Variants in WWC2 observed in about 807,000 individuals in gnomAD.
The protein encoded by WWC2 is WW and C2 domain containing 2.
A neutral mutation model predicts 138.5 loss-of-function variants in WWC2; 101 were observed. The observed-to-expected ratio is 0.73, with a 90% CI of 0.62 to 0.86. The LOEUF is 0.86. Ranked by LOEUF, WWC2 falls within the 40% of genes least tolerant of loss-of-function variation. The probability of loss-of-function intolerance (pLI) is 0.00; values close to 1 mark genes in which losing one functional copy is unlikely to be tolerated. For synonymous variants in WWC2, 558 were observed against 538.4 expected, an observed-to-expected ratio of 1.04 and a Z score of -0.50; for missense variants, 1,420 against 1,419.4, an observed-to-expected ratio of 1.00 and a Z score of -0.01.
rs938172737 is a variant in WWC2, at chr4:183,306,883, A to G, written c.3385-5458A>G. ...AACAGCACCAACTATATATGAGGCAAAAAAAAAAAAAAAACTACAAGGAGA... is the reference window on the plus strand; with the variant it reads ...AACAGCACCAACTATATATGAGGCAGAAAAAAAAAAAAAACTACAAGGAGA... On this transcript the variant is annotated intron_variant, in intron 21 of 22. Transcript: ENST00000403733. 2.6e-4 allele frequency among the ~76,000 whole-genome samples: 38 copies of G among 147,998 alleles called. 1 individual carries two copies. Among genetic ancestry groups the G allele is most frequent in the Non-Finnish European group, 5.1e-4 (34 of 66,318 alleles).
intron 1 of WWC2, among the ~76,000 whole-genome samples, chr4:183,104,137 T>G (rs1479292964): frequency 7.0e-6 from 1 of 142,178 alleles, no homozygotes; most frequent in Non-Finnish European, 1.6e-5. Flanking sequence ...TTTTTCGTAG[T>G]TTTTTTTAGT....
intron 1 of WWC2, among the ~76,000 whole-genome samples, chr4:183,103,049 A>G (rs1743230037): frequency 6.6e-6 from 1 of 152,094 alleles, no homozygotes; most frequent in Admixed American, 6.6e-5. Context: ...AATGTTACCC[A>G]GAGATACAAT....
At chr4:183,100,217 C>T (rs537471881) in intron 1 of WWC2, among the ~76,000 whole-genome samples, 4 of 152,354 alleles carry the variant, frequency 2.6e-5, no homozygotes, top group African/African-American at 9.6e-5. Flanking sequence ...GGGGGTTTCG[C>T]TGTCTGTCGT....
rs1356458823 is a variant in WWC2, at chr4:183,285,898, C to T, written c.3049-69C>T. 6 of 1,410,884 alleles carry T rather than the reference C, an allele frequency of 4.3e-6. No individual in the cohort carries two copies. The African/African-American group carries it at 8.5e-5, about 20-fold the overall frequency. The allele number at this position is 1,410,884 out of a possible 1,614,324, so 87.4% of individuals were successfully genotyped here. On this transcript the variant is annotated intron_variant, in intron 19 of 22. Coordinates refer to ENST00000403733, the MANE Select transcript of WWC2 (RefSeq NM_024949.6). Reference sequence around the variant, plus strand: ...TACCTGCTTTACTTGGTAAATGTCTCAATCCCAAACTTCCACTTGCACTCT... The same window carrying T: ...TACCTGCTTTACTTGGTAAATGTCTTAATCCCAAACTTCCACTTGCACTCT...
intron 21 of WWC2, among the ~76,000 whole-genome samples, chr4:183,296,684 A>C (rs1271822895): frequency 6.6e-6 from 1 of 152,112 alleles, no homozygotes; most frequent in East Asian, 1.9e-4. Context: ...CTGTAATCCC[A>C]GCACTTTGCG....
At chr4:183,245,339 A>C (rs1430622735) in intron 5 of WWC2, 77 bp from the exon 6 acceptor site, 1 of 1,316,112 alleles carries the variant, frequency 7.6e-7, no homozygotes, top group Non-Finnish European at 9.8e-7. Context: ...AGACAATTCC[A>C]AACCACTTCC....
At chr4:183,200,729 C>T (rs540382358) in intron 2 of WWC2, among the ~76,000 whole-genome samples, 2 of 152,304 alleles carry the variant, frequency 1.3e-5, no homozygotes, top group African/African-American at 4.8e-5. Flanking sequence ...GGCCTCTCCA[C>T]AGGACAGCTC....
rs1356082705 is a variant in WWC2 at position 183,260,903 on chromosome 4, CT to C, written c.1287-4del. ...AGATTTTATGGTGTGTGCTTTTTGT[CT>C]TTCAGCCTCTCTGCCAGCACCCTGT... On this transcript the variant is annotated splice_polypyrimidine_tract_variant and splice_region_variant and intron_variant, in intron 10 of 22. Coordinates refer to ENST00000403733, the MANE Select transcript of WWC2 (RefSeq NM_024949.6). The C allele has an allele frequency of 6.2e-6, 10 of 1,611,562 alleles. No homozygotes were observed. In the African/African-American group the frequency reaches 1.3e-4, roughly 22 times the overall value.
intron 1 of WWC2, among the ~76,000 whole-genome samples, chr4:183,162,507 C>G (rs1378774999): frequency 6.6e-6 from 1 of 152,116 alleles, no homozygotes; most frequent in East Asian, 1.9e-4. Context: ...GCAAACATCA[C>G]CATCGTTTTA....
intron 1 of WWC2, among the ~76,000 whole-genome samples, chr4:183,104,333 G>T (rs950426744): frequency 1.3e-5 from 2 of 152,156 alleles, no homozygotes; most frequent in African/African-American, 4.8e-5. Flanking sequence ...ATTAATGAAA[G>T]AATATTAATT....
At position 183,171,464 on chromosome 4, in the gene WWC2, ATACTT is replaced by A. The variant is rs1319621777; in HGVS notation, c.132-22131_132-22127del. On this transcript the variant is annotated intron_variant, in intron 1 of 22. Coordinates refer to ENST00000403733, the MANE Select transcript of WWC2 (RefSeq NM_024949.6). ...TATGTATTTTGGAGTACTGAAAAAT[ATACTT>A]TACATAATCTCTGAGCAAATGTAAC... Among the ~76,000 whole-genome samples, 4 of 152,328 alleles carry A rather than the reference ATACTT, an allele frequency of 2.6e-5. No homozygotes were observed. In the East Asian group the frequency reaches 5.8e-4, roughly 22 times the overall value.
chr4:183,133,309 C>CT (rs1732999507), intron 1 of WWC2, among the ~76,000 whole-genome samples: 1 of 151,852 alleles, frequency 6.6e-6, no homozygotes, highest in Non-Finnish European at 1.5e-5. Flanking sequence ...AGCACACCCC[C>CT]TTGCCTGCCT....
Position 183,261,032 on chromosome 4 carries a change from A to G in WWC2, c.1409A>G (p.Tyr470Cys), listed in dbSNP as rs200024780. ...SLNSLSSTEL[Y>C]YSSQSDQIDV... ...AACTCCCTCAGTTCCACCGAACTCT[A>G]TTACAGCAGTCAAAGTGATCAGATA... The change falls in exon 11 of 23, where the codon TAT becomes TGT. Residue 470 changes from tyrosine (Y) to cysteine (C), a missense_variant. By Grantham distance (194) the Tyr-to-Cys change is radical (BLOSUM62 -2). Transcript: ENST00000403733. 38 of 1,613,890 alleles carry G rather than the reference A, an allele frequency of 2.4e-5. No individual in the cohort carries two copies. The highest frequency in any genetic ancestry group is 3.2e-5 in the Non-Finnish European group (38 of 1,179,892).
intron 1 of WWC2, among the ~76,000 whole-genome samples, chr4:183,161,216 C>T (rs1173586173): frequency 6.6e-6 from 1 of 152,070 alleles, no homozygotes; most frequent in Non-Finnish European, 1.5e-5. Context: ...TGCAAGTCAC[C>T]CCAGTTCTCT....
At chr4:183,192,800 C>T (rs562576499) in intron 1 of WWC2, among the ~76,000 whole-genome samples, 1 of 152,162 alleles carries the variant, frequency 6.6e-6, no homozygotes, top group South Asian at 2.1e-4. Flanking sequence ...TTAACCTGCC[C>T]ATGGCCGCTC....
At chr4:183,191,004 C>G (rs563966205) in intron 1 of WWC2, among the ~76,000 whole-genome samples, 2 of 152,096 alleles carry the variant, frequency 1.3e-5, no homozygotes, top group African/African-American at 4.8e-5. Flanking sequence ...TTCTTCATTT[C>G]TTTAGGATGC....
At chr4:183,291,433 C>T (rs549376225) in intron 21 of WWC2, among the ~76,000 whole-genome samples, 2 of 152,196 alleles carry the variant, frequency 1.3e-5, no homozygotes, top group South Asian at 4.1e-4. Flanking sequence ...AGTTTGTAAT[C>T]TCAATAACCA....
rs144420994 is a variant in WWC2, at chr4:183,122,292, A to G, written c.131+22670A>G. On this transcript the variant is annotated intron_variant, in intron 1 of 22. Coordinates refer to ENST00000403733, the MANE Select transcript of WWC2 (RefSeq NM_024949.6). ...ATTAAAAAATAAAATTCAGATCCCT[A>G]TGCCTTCCCACACACACAAATTAGT... Among the ~76,000 whole-genome samples the G allele has an allele frequency of 2.6e-3, 389 of 152,306 alleles. 1 individual carries two copies. The highest frequency in any genetic ancestry group is 4.7e-3 in the Non-Finnish European group (321 of 68,028).
rs533905689 is a variant in WWC2, at chr4:183,199,485, T to C, written c.241+5777T>C. Among the ~76,000 whole-genome samples, 7 of 152,338 alleles carry C rather than the reference T, an allele frequency of 4.6e-5. No homozygotes were observed. The South Asian group carries it at 1.4e-3, about 32-fold the overall frequency. The stretch of plus-strand genomic sequence containing the variant: ...CTATTTCTTCTACATTTTGTAAGTT[T>C]CTTGGAAGGAGGGATCATGCCCGAT... On this transcript the variant is annotated intron_variant, in intron 2 of 22. Transcript: ENST00000403733.
Sources: allele counts gnomAD v4.1 joint callset (sites outside exome capture counted in the v4.1 genomes callset), GRCh38; gene constraint gnomAD v4.1.1; transcripts MANE v1.5; gene names NCBI Gene and HGNC (gene_info 2026-07-23, HGNC 2026-07-21).